AGBL1: variants seen among roughly 807,000 people sequenced by gnomAD.
The protein encoded by AGBL1 is cytosolic carboxypeptidase 4.
In AGBL1, 130 loss-of-function variants were observed where a neutral mutation model predicts 118.9. That is an observed-to-expected ratio of 1.09 (90% CI 0.95 to 1.26). The LOEUF is 1.26. AGBL1 is among the 50% of genes most tolerant of loss of function. AGBL1 has a pLI of 0.00. For missense variants in AGBL1, 1,584 were observed against 1,298.1 expected (o/e 1.22, Z -3.38); for synonymous variants, 555 against 478.9 (o/e 1.16, Z -2.08).
rs1009039702 is a variant in AGBL1 at position 86,520,512 on chromosome 15, T to C, written c.2556-2298T>C. On this transcript the variant is annotated intron_variant, in intron 18 of 22. Transcript: ENST00000614907. ...TCTTGGAAATTGTGATCTAAAATAGTATTTCTGCAAAGTGGTAATACGTGA... is the reference window on the plus strand; with the variant it reads ...TCTTGGAAATTGTGATCTAAAATAGCATTTCTGCAAAGTGGTAATACGTGA... Among the ~76,000 whole-genome samples, 3 of 152,156 alleles carry C rather than the reference T, an allele frequency of 2.0e-5. No individual in the cohort carries two copies. In the East Asian group the frequency reaches 5.8e-4, roughly 29 times the overall value.
At chr15:86,918,953 G>A (rs534198515), downstream of AGBL1, among the ~76,000 whole-genome samples, 115 of 152,260 alleles carry the variant, frequency 7.6e-4, no homozygotes, top group African/African-American at 2.5e-3. Flanking sequence ...TGTCTGTCAT[G>A]TCCGTGCGTG....
At chr15:86,959,286 T>TA (rs1031838879) in intron 23 of AGBL1, among the ~76,000 whole-genome samples, 13 of 152,148 alleles carry the variant, frequency 8.5e-5, no homozygotes, top group African/African-American at 9.6e-5. Flanking sequence ...TAATATTTAG[T>TA]AAAAAAAATT....
At chr15:86,418,177 C>T (rs1459697447) in intron 18 of AGBL1, among the ~76,000 whole-genome samples, 1 of 152,162 alleles carries the variant, frequency 6.6e-6, no homozygotes, top group Non-Finnish European at 1.5e-5. Context: ...TTTATCATGT[C>T]ATTGATACAT....
intron 21 of AGBL1, among the ~76,000 whole-genome samples, chr15:86,618,714 A>T (rs2084764033): frequency 6.6e-6 from 1 of 152,208 alleles, no homozygotes; most frequent in African/African-American, 2.4e-5. Flanking sequence ...CTAGACTCCC[A>T]TCCTTACTGC....
intron 18 of AGBL1, among the ~76,000 whole-genome samples, chr15:86,472,271 A>G (rs2082489016): frequency 6.6e-6 from 1 of 152,212 alleles, no homozygotes; most frequent in South Asian, 2.1e-4. Flanking sequence ...CAGAAAGACA[A>G]AGTGACAAAG....
intron 22 of AGBL1, among the ~76,000 whole-genome samples, chr15:86,815,891 C>T (rs1369751838): frequency 6.6e-6 from 1 of 152,090 alleles, no homozygotes; most frequent in Non-Finnish European, 1.5e-5. Flanking sequence ...AGGAGATTTT[C>T]ATAAAGGATG....
intron 5 of AGBL1, among the ~76,000 whole-genome samples, chr15:86,162,415 CT>C: frequency 6.6e-6 from 1 of 152,296 alleles, no homozygotes; most frequent in Admixed American, 6.5e-5. Context: ...CAATGAAGCT[CT>C]GTCTCCAGAT....
At chr15:86,580,424 G>C (rs1001268581) in intron 21 of AGBL1, among the ~76,000 whole-genome samples, 1 of 152,006 alleles carries the variant, frequency 6.6e-6, no homozygotes, top group Admixed American at 6.6e-5. Context: ...GGTAAAACAA[G>C]CAATATGGAC....
At chr15:86,131,706 TG>T (rs1567074533) in intron 1 of AGBL1, among the ~76,000 whole-genome samples, 1 of 152,212 alleles carries the variant, frequency 6.6e-6, no homozygotes, top group East Asian at 1.9e-4. Flanking sequence ...CCCAGCACTT[TG>T]GGAGGCTGAG....
chr15:86,996,734 T>C (rs1175153933), intron 24 of AGBL1, among the ~76,000 whole-genome samples: 1 of 152,226 alleles, frequency 6.6e-6, no homozygotes, highest in African/African-American at 2.4e-5. Flanking sequence ...TTGCCATCTT[T>C]TACCTGAAAG....
rs141208904 is a variant in AGBL1, at chr15:86,270,991, C to G, written c.1988-628C>G. Among the ~76,000 whole-genome samples, 208 of 150,136 alleles carry G rather than the reference C, an allele frequency of 1.4e-3. 3 individuals are homozygous for G. The highest frequency in any genetic ancestry group is 8.9e-4 in the Non-Finnish European group (60 of 67,702). The stretch of plus-strand genomic sequence containing the variant: ...GGCTGATGGCCCCTTCTTGCATCCT[C>G]AAAGCTAGTAGTGTTGCATCTTGAA... On this transcript the variant is annotated intron_variant, in intron 14 of 22. Coordinates refer to ENST00000614907, the MANE Select transcript of AGBL1 (RefSeq NM_001386094.1).
chr15:86,308,976 T>G (rs2079881567), intron 17 of AGBL1, among the ~76,000 whole-genome samples: 1 of 152,230 alleles, frequency 6.6e-6, no homozygotes. Flanking sequence ...CATTGGAATT[T>G]TGATAGAGAT....
intron 18 of AGBL1, among the ~76,000 whole-genome samples, chr15:86,517,240 G>A (rs2083132868): frequency 6.6e-6 from 1 of 152,164 alleles, no homozygotes. Context: ...ATTCCTTTGT[G>A]AATGTTAATT....
intron 22 of AGBL1, among the ~76,000 whole-genome samples, chr15:86,709,340 A>AT (rs74676333): frequency 0.48 from 73,011 of 151,716 alleles, 18,700 homozygotes; most frequent in African/African-American, 0.66. Flanking sequence ...TTTAGGAGGA[A>AT]TTTTTCAAAA....
chr15:86,198,374 T>C (rs2077849431), intron 5 of AGBL1, among the ~76,000 whole-genome samples: 1 of 152,168 alleles, frequency 6.6e-6, no homozygotes, highest in African/African-American at 2.4e-5. Flanking sequence ...TAGATGAGAA[T>C]TTGGACTTGA....
chr15:86,417,434 C>T (rs1359052351), intron 18 of AGBL1, among the ~76,000 whole-genome samples: 1 of 152,182 alleles, frequency 6.6e-6, no homozygotes, highest in Non-Finnish European at 1.5e-5. Flanking sequence ...AATTACCTCA[C>T]TCATTAATGC....
rs1164316168 is a variant in AGBL1 at position 86,910,567 on chromosome 15, G to C, written c.*3273G>C. 1 of 152,204 alleles carries C rather than the reference G, an allele frequency of 6.6e-6. No individual in the cohort carries two copies. Among genetic ancestry groups the C allele is most frequent in the African/African-American group, 2.4e-5 (1 of 41,450 alleles). 9.4% of individuals were successfully genotyped at this position (152,204 alleles called of 1,614,324 possible). ...TATGCTGGTTGTTCAGTAGTTTGAGGAGTGCCCCAGGTGTGATACTACTAT... is the reference window on the plus strand; with the variant it reads ...TATGCTGGTTGTTCAGTAGTTTGAGCAGTGCCCCAGGTGTGATACTACTAT... On this transcript the variant is annotated 3_prime_UTR_variant, in exon 23 of 23. Transcript: ENST00000614907.
intron 17 of AGBL1, among the ~76,000 whole-genome samples, chr15:86,394,167 G>A (rs1399818303): frequency 6.6e-6 from 1 of 152,084 alleles, no homozygotes; most frequent in South Asian, 2.1e-4. Flanking sequence ...TGTTAAAAAT[G>A]GTGAGGCTGG....
chr15:86,452,156 A>T (rs980262920), intron 18 of AGBL1, among the ~76,000 whole-genome samples: 5 of 152,114 alleles, frequency 3.3e-5, no homozygotes, highest in African/African-American at 1.2e-4. Context: ...ATCTCCTAAC[A>T]TTCCTGGAAT....
Sources: gnomAD v4.1 joint callset for allele counts (sites outside exome capture counted in the v4.1 genomes callset) on GRCh38, gnomAD v4.1.1 for gene constraint, MANE v1.5 for transcripts, NCBI Gene and HGNC (gene_info 2026-07-23, HGNC 2026-07-21) for gene names.